Variants in RNF10 observed in about 807,000 individuals in gnomAD.
RNF10 encodes E3 ubiquitin-protein ligase RNF10.
Under a neutral mutation model 91.4 loss-of-function variants are expected in RNF10, and 38 were observed. The ratio of observed to expected loss-of-function variants is 0.42; its 90% CI spans 0.32 to 0.54. The LOEUF (loss-of-function observed/expected upper bound fraction) is 0.54, where lower values mean the gene tolerates loss of function less well. Among genes scored for constraint, RNF10 ranks in the 20% least tolerant of loss-of-function variants. The pLI is 0.16. For synonymous variants in RNF10, 364 were observed against 366.3 expected, an observed-to-expected ratio of 0.99 and a Z score of 0.07; for missense variants, 945 against 1,012.0, an observed-to-expected ratio of 0.93 and a Z score of 0.90.
intron 3 of RNF10, among the ~76,000 whole-genome samples, chr12:120,553,401 CTTTTTTTTTTT>C (rs1243050601): frequency 1.1e-5 from 1 of 95,060 alleles, no homozygotes; most frequent in South Asian, 3.4e-4. Context: ...AAGAGGAATT[CTTTTTTTTTTT>C]TTTTTTTTGA....
At position 120,557,606 on chromosome 12, in the gene RNF10, G is replaced by A. The variant is rs2137203593; in HGVS notation, c.891G>A (p.Met297Ile). The A allele has an allele frequency of 6.2e-7, 1 of 1,614,216 alleles. No homozygotes were observed. Among genetic ancestry groups the A allele is most frequent in the Non-Finnish European group, 8.5e-7 (1 of 1,180,022 alleles). Residue 297 changes from methionine (M) to isoleucine (I), a missense_variant, in exon 6 of 17, where the codon ATG becomes ATA. Transcript: ENST00000325954. ...VVGDTITMQL[M>I]KREKGVLVAL... ...GTGATACCATTACGATGCAGCTGAT[G>A]AAGAGGGAGAAAGGGGTGTTGGTGG...
chr12:120,576,299 A>G (rs1877383826), intron 16 of RNF10, among the ~76,000 whole-genome samples: 1 of 152,230 alleles, frequency 6.6e-6, no homozygotes, highest in Non-Finnish European at 1.5e-5. Flanking sequence ...CTAGACAAGA[A>G]TCACATATGT....
chr12:120,546,148 G>A (rs946355174), intron 1 of RNF10, among the ~76,000 whole-genome samples: 5 of 152,194 alleles, frequency 3.3e-5, no homozygotes, highest in Non-Finnish European at 5.9e-5. Flanking sequence ...AAGACATTAT[G>A]GATTGAGAAT....
At chr12:120,575,585 A>T in intron 14 of RNF10, 46 bp from the exon 15 acceptor site, 1 of 1,609,214 alleles carries the variant, frequency 6.2e-7, no homozygotes, top group Middle Eastern at 1.7e-4. Flanking sequence ...AAGAAGTTGG[A>T]CCAGCTACTT....
At chr12:120,537,381 C>T (rs1192368685) in intron 1 of RNF10, among the ~76,000 whole-genome samples, 1 of 152,136 alleles carries the variant, frequency 6.6e-6, no homozygotes, top group Non-Finnish European at 1.5e-5. Context: ...AATCCCAGCA[C>T]TTTGGGAGGC....
chr12:120,535,002 A>G (rs1385162475), intron 1 of RNF10, 34 bp downstream of exon 1: 2 of 1,557,048 alleles, frequency 1.3e-6, no homozygotes, highest in South Asian at 2.3e-5. Flanking sequence ...GGCGGGGGCG[A>G]CTGCCCCTGC....
At chr12:120,575,551 C>A in intron 14 of RNF10, 80 bp from the exon 15 acceptor site, 1 of 1,477,656 alleles carries the variant, frequency 6.8e-7, no homozygotes, top group Non-Finnish European at 9.4e-7. Context: ...TGTGCCTCTC[C>A]AGTTAGTCAA....
At chr12:120,535,758 A>G (rs1593037954) in intron 1 of RNF10, among the ~76,000 whole-genome samples, 1 of 152,204 alleles carries the variant, frequency 6.6e-6, no homozygotes, top group South Asian at 2.1e-4. Context: ...AAGTCTGTCA[A>G]TATTATGACC....
Position 120,563,564 on chromosome 12 carries a change from C to G in RNF10, c.1472C>G (p.Pro491Arg), listed in dbSNP as rs746858092. Residue 491 changes from proline (P) to arginine (R), a missense_variant, in exon 9 of 17, where the codon CCC (proline) becomes CGC (arginine). Physicochemically the swap from Pro to Arg is moderately radical, Grantham distance 103. Coordinates refer to ENST00000325954, the MANE Select transcript of RNF10 (RefSeq NM_014868.5). ...TGCACTGAGTCCAGCCAGCAGGAAC[C>G]CATCACCAAGTCAGGCTTCACACGC... ...TICTESSQQE[P>R]ITKSGFTRLS... 7 of 1,613,606 alleles carry G rather than the reference C, an allele frequency of 4.3e-6. No homozygotes were observed. In the Admixed American group the frequency reaches 8.3e-5, roughly 19 times the overall value.
chr12:120,564,950 C>T (rs1480709757), intron 10 of RNF10, 122 bp from the exon 11 acceptor site: 1 of 705,382 alleles, frequency 1.4e-6, no homozygotes, highest in Non-Finnish European at 2.6e-6. Flanking sequence ...TAATTGAGCA[C>T]TACTGTTTCC....
At chr12:120,544,718 G>A (rs1221852771) in intron 1 of RNF10, among the ~76,000 whole-genome samples, 1 of 152,136 alleles carries the variant, frequency 6.6e-6, no homozygotes, top group Non-Finnish European at 1.5e-5. Flanking sequence ...CGGTGTAACG[G>A]TTCTAGAAAG....
intron 6 of RNF10, among the ~76,000 whole-genome samples, chr12:120,560,440 C>T (rs1275508560): frequency 6.6e-6 from 1 of 152,132 alleles, no homozygotes; most frequent in Non-Finnish European, 1.5e-5. Context: ...AGGTGTGAGC[C>T]ATGGTGCCTG....
At chr12:120,545,105 C>G (rs546867778) in intron 1 of RNF10, among the ~76,000 whole-genome samples, 2 of 152,224 alleles carry the variant, frequency 1.3e-5, no homozygotes, top group Non-Finnish European at 2.9e-5. Context: ...TCTGTGGGTA[C>G]TGGCAACTTT....
intron 8 of RNF10, 41 bp from the exon 9 acceptor site, chr12:120,563,306 A>T (rs1246547197): frequency 7.0e-6 from 11 of 1,572,172 alleles, no homozygotes; most frequent in Non-Finnish European, 8.6e-6. Context: ...TTCGGAAAGC[A>T]GGAGATATCC....
chr12:120,535,403 C>G (rs1194723122), intron 1 of RNF10: 1 of 153,006 alleles, frequency 6.5e-6, no homozygotes, highest in Admixed American at 6.5e-5. Context: ...CTTTCAAACT[C>G]AGATCTCTTA....
intron 6 of RNF10, 54 bp downstream of exon 6, chr12:120,557,736 A>T: frequency 1.3e-6 from 2 of 1,586,110 alleles, no homozygotes; most frequent in Non-Finnish European, 1.7e-6. Flanking sequence ...CTTTAAGGTG[A>T]TTGAATATAT....
intron 12 of RNF10, among the ~76,000 whole-genome samples, chr12:120,566,099 C>T (rs1875650229): frequency 6.6e-6 from 1 of 152,208 alleles, no homozygotes; most frequent in African/African-American, 2.4e-5. Context: ...CAGAAAAGGA[C>T]TTCGGTGTTT....
intron 3 of RNF10, 67 bp downstream of exon 3, chr12:120,552,765 G>C: frequency 2.1e-6 from 3 of 1,398,840 alleles, no homozygotes; most frequent in Non-Finnish European, 2.9e-6. Context: ...GTGCCTCTGT[G>C]AGAGGCTTTT....
rs973404407 is a variant in RNF10, at chr12:120,559,065, AT to A, written c.967+1391del. On this transcript the variant is annotated intron_variant, in intron 6 of 16. Transcript: ENST00000325954. ...TTAAATTAACTTTTAATTTTAAATT[AT>A]TTTTTTTATTTTAAAAAATTAACTG... 2.8e-3 allele frequency among the ~76,000 whole-genome samples: 141 copies of A among 51,232 alleles called. 1 individual carries two copies. Among genetic ancestry groups the A allele is most frequent in the African/African-American group, 6.8e-3 (127 of 18,762 alleles). 33.6% of individuals were successfully genotyped at this position (51,232 alleles called of 152,430 possible).
Sources: gnomAD v4.1 joint callset for allele counts (sites outside exome capture counted in the v4.1 genomes callset) on GRCh38, gnomAD v4.1.1 for gene constraint, MANE v1.5 for transcripts, NCBI Gene and HGNC (gene_info 2026-07-23, HGNC 2026-07-21) for gene names.